The following NR6A1 variants were observed in gnomAD, a reference collection of about 807,000 sequenced individuals.
NR6A1 encodes nuclear receptor subfamily 6 group A member 1.
In NR6A1, 7 loss-of-function variants were observed where a neutral mutation model predicts 59.1. The observed-to-expected ratio is 0.12, with a 90% CI of 0.07 to 0.22. The LOEUF (loss-of-function observed/expected upper bound fraction) is 0.22, where lower values mean the gene tolerates loss of function less well. Among genes scored for constraint, NR6A1 ranks in the 10% least tolerant of loss-of-function variants. The pLI, the probability that NR6A1 is intolerant of heterozygous loss-of-function variation, is 1.00. For synonymous variants in NR6A1, 243 were observed against 236.1 expected, an observed-to-expected ratio of 1.03 and a Z score of -0.27; for missense variants, 468 against 611.6, an observed-to-expected ratio of 0.77 and a Z score of 2.48.
At chr9:124,675,716 A>G (rs1360204178) in intron 2 of NR6A1, among the ~76,000 whole-genome samples, 2 of 152,138 alleles carry the variant, frequency 1.3e-5, no homozygotes, top group African/African-American at 4.8e-5. Context: ...GCAGTCTAGA[A>G]TCTTTGGTCA....
chr9:124,621,125 A>C (rs1000620335), intron 2 of NR6A1, among the ~76,000 whole-genome samples: 1 of 152,222 alleles, frequency 6.6e-6, no homozygotes, highest in East Asian at 1.9e-4. Flanking sequence ...AACAGTGATC[A>C]CAAGTACAGT....
chr9:124,754,677 CTG>C (rs1268162661), intron 1 of NR6A1, among the ~76,000 whole-genome samples: 1 of 152,156 alleles, frequency 6.6e-6, no homozygotes, highest in Non-Finnish European at 1.5e-5. Context: ...ATTCAGCAAA[CTG>C]TCTTTTATTG....
chr9:124,681,910 A>G (rs1480578387), intron 2 of NR6A1, among the ~76,000 whole-genome samples: 2 of 152,238 alleles, frequency 1.3e-5, no homozygotes, highest in African/African-American at 4.8e-5. Context: ...ATGAATTTTA[A>G]TAAAATCGAG....
intron 6 of NR6A1, among the ~76,000 whole-genome samples, chr9:124,536,918 G>A (rs1181293306): frequency 1.3e-5 from 2 of 152,218 alleles, no homozygotes; most frequent in Admixed American, 6.5e-5. Flanking sequence ...CCCTGGTGGT[G>A]AGTTCAGGAA....
chr9:124,643,113 A>G, intron 2 of NR6A1, among the ~76,000 whole-genome samples: 1 of 142,534 alleles, frequency 7.0e-6, no homozygotes, highest in Middle Eastern at 3.5e-3. Context: ...GGGGGGGGGA[A>G]CAAAAACAAG....
chr9:124,601,621 G>GA (rs926008497), intron 2 of NR6A1, among the ~76,000 whole-genome samples: 13 of 140,570 alleles, frequency 9.2e-5, no homozygotes, highest in East Asian at 4.3e-4. Flanking sequence ...GAAAAGAAAA[G>GA]AAAAAAAAAG....
At chr9:124,598,728 C>T (rs976965165) in intron 2 of NR6A1, 3 of 849,818 alleles carry the variant, frequency 3.5e-6, no homozygotes, top group African/African-American at 3.4e-5. Context: ...TCAGCATCCT[C>T]CTTGGTCTTC....
chr9:124,561,785 G>T (rs994338939), intron 2 of NR6A1, among the ~76,000 whole-genome samples: 2 of 152,044 alleles, frequency 1.3e-5, no homozygotes, highest in South Asian at 4.1e-4. Context: ...GGTGGTATGC[G>T]CCTGTAATAC....
At chr9:124,632,872 C>T (rs548482446) in intron 2 of NR6A1, among the ~76,000 whole-genome samples, 1 of 152,286 alleles carries the variant, frequency 6.6e-6, no homozygotes, top group South Asian at 2.1e-4. Context: ...TAAACTATAA[C>T]CCCTCTATGG....
At chr9:124,756,523 T>C (rs1840635417) in intron 1 of NR6A1, among the ~76,000 whole-genome samples, 1 of 152,212 alleles carries the variant, frequency 6.6e-6, no homozygotes, top group African/African-American at 2.4e-5. Flanking sequence ...GATAGCTGGA[T>C]TCCCAAAATG....
chr9:124,621,394 T>C (rs1836068355), intron 2 of NR6A1, among the ~76,000 whole-genome samples: 2 of 151,964 alleles, frequency 1.3e-5, no homozygotes, highest in African/African-American at 4.8e-5. Flanking sequence ...CTCACACCTA[T>C]AATCCCAGCA....
intron 6 of NR6A1, among the ~76,000 whole-genome samples, chr9:124,537,065 T>C (rs1833289498): frequency 6.8e-6 from 1 of 146,000 alleles, no homozygotes; most frequent in African/African-American, 2.7e-5. Flanking sequence ...CACTCCCACA[T>C]CTAAATTTTT....
At chr9:124,746,733 G>A (rs1202163357) in intron 1 of NR6A1, among the ~76,000 whole-genome samples, 7 of 151,948 alleles carry the variant, frequency 4.6e-5, no homozygotes, top group Admixed American at 6.5e-5. Flanking sequence ...TAGGACTAAG[G>A]GAGAAAAAAC....
At chr9:124,770,981 G>T in intron 1 of NR6A1, 39 bp downstream of exon 1, 1 of 1,123,672 alleles carries the variant, frequency 8.9e-7, no homozygotes, top group Non-Finnish European at 1.1e-6. Flanking sequence ...CAGGAAGCCG[G>T]TTCCTGCCTG....
chr9:124,533,022 T>G (rs1588642479), intron 7 of NR6A1, among the ~76,000 whole-genome samples: 1 of 152,072 alleles, frequency 6.6e-6, no homozygotes. Context: ...CTGGCTACAG[T>G]GAGATGGGAT....
At chr9:124,656,983 G>A (rs1837278546) in intron 2 of NR6A1, among the ~76,000 whole-genome samples, 1 of 152,020 alleles carries the variant, frequency 6.6e-6, no homozygotes, top group South Asian at 2.1e-4. Context: ...GATGGATGGT[G>A]GTGAAGGCTG....
chr9:124,749,815 T>G (rs1840444640), intron 1 of NR6A1, among the ~76,000 whole-genome samples: 1 of 152,162 alleles, frequency 6.6e-6, no homozygotes, highest in Non-Finnish European at 1.5e-5. Flanking sequence ...TGATACCTAT[T>G]ATAAGTTCCA....
chr9:124,702,380 T>A (rs1838988121), intron 2 of NR6A1, among the ~76,000 whole-genome samples: 1 of 152,202 alleles, frequency 6.6e-6, no homozygotes, highest in Non-Finnish European at 1.5e-5. Flanking sequence ...CTCCACTGAA[T>A]TGCCTTGGTA....
chr9:124,617,591 A>G (rs1835936807), intron 2 of NR6A1, among the ~76,000 whole-genome samples: 1 of 152,172 alleles, frequency 6.6e-6, no homozygotes, highest in Non-Finnish European at 1.5e-5. Context: ...AAGCTTTATG[A>G]GTGGCTCCCT....
Sources: gnomAD v4.1 joint callset for allele counts (sites outside exome capture counted in the v4.1 genomes callset) on GRCh38, gnomAD v4.1.1 for gene constraint, MANE v1.5 for transcripts, NCBI Gene and HGNC (gene_info 2026-07-23, HGNC 2026-07-21) for gene names.